Variants in ATP12A observed in about 807,000 individuals in gnomAD.
ATP12A encodes the protein potassium-transporting ATPase alpha chain 2.
ATP12A carries 81 observed loss-of-function variants against 111.2 expected under a neutral mutation model. The observed-to-expected ratio is 0.73, with a 90% CI of 0.61 to 0.88. ATP12A has a LOEUF of 0.88. Ranked by LOEUF, ATP12A falls within the 40% of genes least tolerant of loss-of-function variation. ATP12A has a pLI of 0.00. For synonymous variants in ATP12A, 498 were observed against 499.8 expected (o/e 1.00, Z 0.05); for missense variants, 1,196 against 1,313.1 (o/e 0.91, Z 1.38).
intron 14 of ATP12A, among the ~76,000 whole-genome samples, chr13:24,705,507 G>T (rs1422604299): frequency 6.6e-6 from 1 of 152,186 alleles, no homozygotes; most frequent in South Asian, 2.1e-4. Flanking sequence ...GCAGGCAATA[G>T]CGCTGCTCAA....
Position 24,700,892 on chromosome 13 carries a change from A to G in ATP12A, c.1851A>G (p.Ala617=). ...IDPPRSTVPD[A]VTKCRSAGIK... ...CCCCTCGGTCCACCGTGCCAGATGC[A>G]GTCACCAAATGCCGGAGTGCAGGGA... Residue 617 remains alanine (A), a synonymous_variant, in exon 13 of 23, where the codon GCA becomes GCG. Transcript: ENST00000381946. 1.2e-6 allele frequency: 2 copies of G among 1,614,222 alleles called. No homozygotes were observed. Among genetic ancestry groups the G allele is most frequent in the Non-Finnish European group, 1.7e-6 (2 of 1,180,034 alleles).
intron 10 of ATP12A, among the ~76,000 whole-genome samples, chr13:24,693,998 C>T (rs973031412): frequency 4.6e-5 from 7 of 152,288 alleles, no homozygotes; most frequent in Admixed American, 3.3e-4. Context: ...CTCCGTACTT[C>T]CCTGTTTTCT....
intron 14 of ATP12A, chr13:24,704,699 AG>A (rs1875543727): frequency 8.7e-6 from 2 of 229,724 alleles, no homozygotes; most frequent in African/African-American, 4.7e-5. Flanking sequence ...AACGAGAGAA[AG>A]ACATAATCTT....
At chr13:24,705,547 A>G (rs1875589587) in intron 14 of ATP12A, among the ~76,000 whole-genome samples, 1 of 152,258 alleles carries the variant, frequency 6.6e-6, no homozygotes, top group Non-Finnish European at 1.5e-5. Flanking sequence ...CCTACGTAGC[A>G]CATTGCACAA....
chr13:24,700,629 C>T, intron 12 of ATP12A, 118 bp from the exon 13 acceptor site: 1 of 864,116 alleles, frequency 1.2e-6, no homozygotes, highest in East Asian at 2.7e-5. Flanking sequence ...ACAATTCTGG[C>T]TTATTCTAAT....
intron 17 of ATP12A, among the ~76,000 whole-genome samples, chr13:24,708,946 A>AAAGAAAGGAAGAAAGG (rs775291322): frequency 3.0e-5 from 3 of 100,234 alleles, no homozygotes; most frequent in Non-Finnish European, 7.2e-5. Flanking sequence ...AGAAAGAAAG[A>AAAGAAAGGAAGAAAGG]AAGAAAGAAA....
At chr13:24,697,720 G>A (rs1162062399) in intron 11 of ATP12A, among the ~76,000 whole-genome samples, 1 of 111,182 alleles carries the variant, frequency 9.0e-6, no homozygotes, top group Non-Finnish European at 1.9e-5. Flanking sequence ...GATAGAGCTG[G>A]GAGGTTTTCT....
intron 2 of ATP12A, among the ~76,000 whole-genome samples, chr13:24,682,162 GTGTGTA>G (rs1566068045): frequency 1.4e-4 from 17 of 118,714 alleles, no homozygotes; most frequent in African/African-American, 7.2e-4. Flanking sequence ...TGTGTGTGGT[GTGTGTA>G]TGTGTGTGGT....
chr13:24,700,953 C>A (rs751993252), intron 13 of ATP12A, 31 bp downstream of exon 13: 1 of 1,607,198 alleles, frequency 6.2e-7, no homozygotes, highest in Non-Finnish European at 8.5e-7. Context: ...TCAAGAAGTT[C>A]TTTCTTTATG....
chr13:24,694,392 AT>A, intron 10 of ATP12A, 51 bp from the exon 11 acceptor site: 1 of 1,607,964 alleles, frequency 6.2e-7, no homozygotes, highest in Non-Finnish European at 8.5e-7. Flanking sequence ...TGCTGAGGGC[AT>A]GTTGGTTCAT....
chr13:24,692,309 C>A lies in ATP12A; in HGVS notation c.1069-120C>A. The A allele has an allele frequency of 1.8e-6, 2 of 1,110,706 alleles. 1 individual carries two copies. The highest frequency in any genetic ancestry group is 3.1e-5 in the South Asian group (2 of 65,200). 68.8% of individuals were successfully genotyped at this position (1,110,706 alleles called of 1,614,324 possible). On this transcript the variant is annotated intron_variant, in intron 8 of 22. Transcript: ENST00000381946. ...GCTGCGCTGACAACCACACCTCTCC[C>A]CTAAAACTAGTCCAGCTCTCTCCTA...
chr13:24,701,728 G>T (rs556380085), intron 13 of ATP12A, among the ~76,000 whole-genome samples: 6 of 152,290 alleles, frequency 3.9e-5, no homozygotes, highest in Admixed American at 2.0e-4. Context: ...TGTCAGAGGA[G>T]GAAGCGTATG....
At chr13:24,697,983 A>T (rs1159953632) in intron 11 of ATP12A, among the ~76,000 whole-genome samples, 1 of 152,176 alleles carries the variant, frequency 6.6e-6, no homozygotes, top group Non-Finnish European at 1.5e-5. Flanking sequence ...TTAGAAGAGT[A>T]CCTGGCTTAT....
intron 19 of ATP12A, among the ~76,000 whole-genome samples, chr13:24,710,126 C>T (rs189380193): frequency 1.2e-4 from 18 of 152,288 alleles, no homozygotes; most frequent in African/African-American, 2.6e-4. Flanking sequence ...TCTTTCAGGC[C>T]GGGTGCAGTG....
At chr13:24,692,086 C>T (rs1874927495) in intron 8 of ATP12A, among the ~76,000 whole-genome samples, 1 of 152,220 alleles carries the variant, frequency 6.6e-6, no homozygotes, top group African/African-American at 2.4e-5. Flanking sequence ...CTCTTACACA[C>T]TCCTGCTTAG....
chr13:24,701,890 C>A (rs779148716), intron 13 of ATP12A, 45 bp from the exon 14 acceptor site: 1 of 1,612,904 alleles, frequency 6.2e-7, no homozygotes, highest in Middle Eastern at 1.7e-4. Context: ...TTTGGCCAAC[C>A]GAGTTCTTCA....
chr13:24,688,575 G>A, intron 4 of ATP12A, 53 bp downstream of exon 4: 1 of 1,461,804 alleles, frequency 6.8e-7, no homozygotes, highest in Non-Finnish European at 9.1e-7. Context: ...CATCCAGTGA[G>A]GCCTTGGGGG....
intron 17 of ATP12A, among the ~76,000 whole-genome samples, chr13:24,708,921 G>GA (rs1357289794): frequency 3.1e-5 from 4 of 128,042 alleles, no homozygotes; most frequent in East Asian, 2.2e-4. Flanking sequence ...AAGAAAGAAA[G>GA]AAAGAAAGAA....
chr13:24,687,240 C>G (rs8000450), intron 3 of ATP12A, among the ~76,000 whole-genome samples: 56,676 of 151,876 alleles, frequency 0.37, 11,008 homozygotes, highest in East Asian at 0.64. Flanking sequence ...GTGGGCAGAT[C>G]ACTTGAGGTC....
Sources: allele counts gnomAD v4.1 joint callset (sites outside exome capture counted in the v4.1 genomes callset), GRCh38; gene constraint gnomAD v4.1.1; transcripts MANE v1.5; gene names NCBI Gene and HGNC (gene_info 2026-07-23, HGNC 2026-07-21).